CSMD1: variants seen among roughly 807,000 people sequenced by gnomAD.
CSMD1 encodes the protein CUB and sushi domain-containing protein 1.
In CSMD1, 213 loss-of-function variants were observed where a neutral mutation model predicts 417.5. The ratio of observed to expected loss-of-function variants is 0.51; its 90% CI spans 0.46 to 0.57. The LOEUF (loss-of-function observed/expected upper bound fraction) is 0.57, where lower values mean the gene tolerates loss of function less well. CSMD1 is among the 20% of genes least tolerant of loss of function. The probability of loss-of-function intolerance (pLI) is 0.00; values close to 1 mark genes in which losing one functional copy is unlikely to be tolerated. For missense variants in CSMD1, 6,923 were observed against 4,529.7 expected, an observed-to-expected ratio of 1.53 and a Z score of -15.17; for synonymous variants, 2,862 against 1,736.8, an observed-to-expected ratio of 1.65 and a Z score of -16.11.
At chr8:4,524,050 TC>T (rs1325097869) in intron 2 of CSMD1, among the ~76,000 whole-genome samples, 1 of 152,108 alleles carries the variant, frequency 6.6e-6, no homozygotes, top group East Asian at 1.9e-4. Context: ...TGGTAAATCC[TC>T]CCTGTGTTTT....
intron 2 of CSMD1, among the ~76,000 whole-genome samples, chr8:4,466,238 C>A (rs187821034): frequency 1.8e-3 from 275 of 152,120 alleles, no homozygotes; most frequent in African/African-American, 6.4e-3. Context: ...CCTGGCTATC[C>A]TTCCCAGATA....
intron 5 of CSMD1, among the ~76,000 whole-genome samples, chr8:3,890,279 G>T (rs989331095): frequency 2.6e-5 from 4 of 152,024 alleles, no homozygotes; most frequent in Non-Finnish European, 5.9e-5. Flanking sequence ...TATTTTGCTG[G>T]GTTTTGATTT....
chr8:3,717,199 T>C (rs1054245204), intron 6 of CSMD1, among the ~76,000 whole-genome samples: 2 of 152,212 alleles, frequency 1.3e-5, no homozygotes, highest in African/African-American at 2.4e-5. Flanking sequence ...TGATAATTAT[T>C]ACATTTCAAA....
intron 26 of CSMD1, among the ~76,000 whole-genome samples, chr8:3,253,626 G>A (rs1463131271): frequency 6.6e-6 from 1 of 152,110 alleles, no homozygotes; most frequent in Non-Finnish European, 1.5e-5. Context: ...GTTGAGAGTG[G>A]GTTGTTAAAG....
intron 1 of CSMD1, among the ~76,000 whole-genome samples, chr8:4,872,990 AGT>A (rs1802822159): frequency 6.6e-6 from 1 of 152,110 alleles, no homozygotes; most frequent in African/African-American, 2.4e-5. Context: ...TAAGGTGTAC[AGT>A]GTGTGATGCT....
chr8:4,821,460 G>C (rs1277041819), intron 1 of CSMD1, among the ~76,000 whole-genome samples: 1 of 152,154 alleles, frequency 6.6e-6, no homozygotes. Flanking sequence ...TACGCAGTAA[G>C]ACAGTACAGG....
chr8:4,065,347 A>G (rs1799188804), intron 3 of CSMD1, among the ~76,000 whole-genome samples: 1 of 152,250 alleles, frequency 6.6e-6, no homozygotes, highest in Non-Finnish European at 1.5e-5. Context: ...GCTGGTGTTC[A>G]CCAAAGTCAT....
At chr8:3,825,262 G>A (rs938692668) in intron 5 of CSMD1, among the ~76,000 whole-genome samples, 1 of 152,252 alleles carries the variant, frequency 6.6e-6, no homozygotes, top group South Asian at 2.1e-4. Context: ...GGGTGTGGTG[G>A]CTCACGCCTG....
At chr8:4,079,084 C>T (rs1321684519) in intron 3 of CSMD1, among the ~76,000 whole-genome samples, 5 of 151,568 alleles carry the variant, frequency 3.3e-5, no homozygotes, top group African/African-American at 4.9e-5. Context: ...CAGCTCATTA[C>T]CAGGGTCGGT....
At chr8:4,727,441 A>C (rs1809533976) in intron 1 of CSMD1, among the ~76,000 whole-genome samples, 1 of 152,216 alleles carries the variant, frequency 6.6e-6, no homozygotes, top group South Asian at 2.1e-4. Context: ...AATTATGCGT[A>C]AGATAGTTCT....
intron 2 of CSMD1, among the ~76,000 whole-genome samples, chr8:4,587,739 T>G (rs1241272097): frequency 6.6e-6 from 1 of 152,220 alleles, no homozygotes; most frequent in Non-Finnish European, 1.5e-5. Flanking sequence ...AAGTAAACAT[T>G]AAGACTTTGC....
intron 1 of CSMD1, among the ~76,000 whole-genome samples, chr8:4,795,744 T>C (rs1346638881): frequency 6.6e-6 from 1 of 152,098 alleles, no homozygotes; most frequent in Non-Finnish European, 1.5e-5. Flanking sequence ...CCAGGGCTCT[T>C]GTCAGTTACC....
Position 4,912,135 on chromosome 8 carries a change from A to AAAGAAAAAAAG in CSMD1, c.85+82196_85+82197insCTTTTTTTCTT, listed in dbSNP as rs1554518066. On this transcript the variant is annotated intron_variant, in intron 1 of 69. Transcript: ENST00000635120. ...TCAACATAGCTTCAAAAAAAAAAAA[A>AAAGAAAAAAAG]AAAAAAGAAAGAAAGAAAAGAAAAG... Among the ~76,000 whole-genome samples, 774 of 115,678 alleles carry AAAGAAAAAAAG rather than the reference A, an allele frequency of 6.7e-3. 18 individuals carry two copies. Among genetic ancestry groups the AAAGAAAAAAAG allele is most frequent in the African/African-American group, 0.022 (742 of 34,340 alleles). 75.9% of individuals were successfully genotyped at this position (115,678 alleles called of 152,430 possible).
chr8:3,445,199 T>G (rs1198425022), intron 12 of CSMD1, among the ~76,000 whole-genome samples: 1 of 152,162 alleles, frequency 6.6e-6, no homozygotes, highest in Non-Finnish European at 1.5e-5. Flanking sequence ...TTTTATCACC[T>G]CATCATGAAG....
At chr8:4,114,462 T>C (rs1802025680) in intron 3 of CSMD1, among the ~76,000 whole-genome samples, 1 of 152,182 alleles carries the variant, frequency 6.6e-6, no homozygotes, top group Non-Finnish European at 1.5e-5. Context: ...CAGAGATGCT[T>C]AAAGAGATTA....
chr8:3,944,175 C>G (rs555053740), intron 5 of CSMD1, among the ~76,000 whole-genome samples: 2 of 152,036 alleles, frequency 1.3e-5, no homozygotes, highest in East Asian at 1.9e-4. Context: ...TTATGCAACA[C>G]TTTTGTAAGT....
At chr8:3,315,384 C>CA (rs1445267048) in intron 23 of CSMD1, among the ~76,000 whole-genome samples, 1 of 150,882 alleles carries the variant, frequency 6.6e-6, no homozygotes, top group East Asian at 1.9e-4. Flanking sequence ...GTGATTGTTC[C>CA]ATGTTTTACA....
intron 3 of CSMD1, among the ~76,000 whole-genome samples, chr8:4,241,502 T>C (rs968829236): frequency 7.9e-5 from 12 of 152,188 alleles, no homozygotes; most frequent in African/African-American, 2.2e-4. Flanking sequence ...TCTTTGAATG[T>C]CTGTGCCCCC....
Position 4,814,563 on chromosome 8 carries a change from T to C in CSMD1, c.86-177005A>G, listed in dbSNP as rs1799096267. 3.3e-5 allele frequency among the ~76,000 whole-genome samples: 5 copies of C among 152,286 alleles called. No homozygotes were observed. The South Asian group carries it at 1.0e-3, about 32-fold the overall frequency. ...ATAATAGATTAATTATAGCCCAGAA[T>C]AATGATTTATTCAATGCTTTAATTA... On this transcript the variant is annotated intron_variant, in intron 1 of 69. Transcript: ENST00000635120.
Sources: gnomAD v4.1 joint callset for allele counts (sites outside exome capture counted in the v4.1 genomes callset) on GRCh38, gnomAD v4.1.1 for gene constraint, MANE v1.5 for transcripts, NCBI Gene and HGNC (gene_info 2026-07-23, HGNC 2026-07-21) for gene names.